Variants in C4orf50 observed in about 807,000 individuals in gnomAD.
The protein encoded by C4orf50 is uncharacterized protein C4orf50.
A neutral mutation model predicts 77.2 loss-of-function variants in C4orf50; 80 were observed. That is an observed-to-expected ratio of 1.04 (90% CI 0.87 to 1.25). The LOEUF is 1.25. C4orf50 is among the 50% of genes most tolerant of loss of function. C4orf50 has a pLI of 0.00. For synonymous variants in C4orf50, 532 were observed against 465.3 expected (o/e 1.14, Z -1.84); for missense variants, 1,257 against 1,152.9 (o/e 1.09, Z -1.31).
Position 6,009,099 on chromosome 4 carries a change from G to A in C4orf50, c.427-567C>T, listed in dbSNP as rs1722380248. On this transcript the variant is annotated intron_variant, in intron 24 of 33. Transcript: ENST00000531445. The surrounding 1 kb of genome is among the most constrained non-coding windows in gnomAD (Gnocchi z 5.6). ...TTACTAGCCTGAGAGACACTCAGGAGTGACTTGCATATCACGCAGCTAAAA... is the reference window on the plus strand; with the variant it reads ...TTACTAGCCTGAGAGACACTCAGGAATGACTTGCATATCACGCAGCTAAAA... Among the ~76,000 whole-genome samples the A allele has an allele frequency of 6.6e-6, 1 of 152,220 alleles. No homozygotes were observed. Among genetic ancestry groups the A allele is most frequent in the Non-Finnish European group, 1.5e-5 (1 of 68,038 alleles).
At chr4:5,995,757 A>G (rs1721549929) in intron 25 of C4orf50, among the ~76,000 whole-genome samples, 1 of 152,218 alleles carries the variant, frequency 6.6e-6, no homozygotes, top group Admixed American at 6.5e-5. Flanking sequence ...GTGGACAGAT[A>G]GAACCTGGGA....
chr4:5,927,538 G>C (rs577338433), intron 7 of C4orf50, among the ~76,000 whole-genome samples: 102 of 151,962 alleles, frequency 6.7e-4, no homozygotes, highest in Non-Finnish European at 1.4e-3. Flanking sequence ...TAGATCATGG[G>C]GGAGGTTCCC....
chr4:5,959,438 C>G (rs1719148423), exon 34 of C4orf50: 6 of 1,614,190 alleles, frequency 3.7e-6, no homozygotes, highest in Non-Finnish European at 5.1e-6. Flanking sequence ...TTTGTCTAAG[C>G]TCTTGGTGAA....
At position 6,000,742 on chromosome 4, in the gene C4orf50, C is replaced by T. The variant is rs1011833223; in HGVS notation, c.964-6266G>A. Reference sequence around the variant, plus strand: ...GCCAAGCACACGCACCAAGTGGGTACCATCAAATCCTGACTGTTGACCTGT... The same window carrying T: ...GCCAAGCACACGCACCAAGTGGGTATCATCAAATCCTGACTGTTGACCTGT... On this transcript the variant is annotated intron_variant, in intron 25 of 33. Transcript: ENST00000531445. This position sits in a 1 kb window ranked among gnomAD's most constrained non-coding sequence, Gnocchi z 6.0. Among the ~76,000 whole-genome samples the T allele has an allele frequency of 1.3e-5, 2 of 152,178 alleles. No homozygotes were observed. Among genetic ancestry groups the T allele is most frequent in the African/African-American group, 2.4e-5 (1 of 41,454 alleles).
intron 7 of C4orf50, among the ~76,000 whole-genome samples, chr4:5,935,734 C>T (rs964023729): frequency 1.4e-5 from 2 of 139,634 alleles, no homozygotes; most frequent in African/African-American, 2.8e-5. Flanking sequence ...TGCAGTGAGC[C>T]GAGATTGCGC....
In C4orf50 at chr4:6,017,964, T is replaced by C. The variant is rs1578006747; in HGVS notation, c.287+181A>G. On this transcript the variant is annotated intron_variant, in intron 23 of 33. Coordinates refer to ENST00000531445, the Ensembl canonical transcript of C4orf50. The surrounding 1 kb of genome is among the most constrained non-coding windows in gnomAD (Gnocchi z 4.7). ...GAGCCCGGGCAGCCTCATCTGCAGG[T>C]ACAGAGCAGAAGAAGGAGGGCGGGA... 6.6e-6 allele frequency among the ~76,000 whole-genome samples: 1 copy of C among 152,086 alleles called. No homozygotes were observed. Among genetic ancestry groups the C allele is most frequent in the African/African-American group, 2.4e-5 (1 of 41,424 alleles).
chr4:5,981,045 G>A (rs936640890), intron 28 of C4orf50, among the ~76,000 whole-genome samples: 1 of 152,150 alleles, frequency 6.6e-6, no homozygotes, highest in South Asian at 2.1e-4. Flanking sequence ...TGGTTTTGAA[G>A]TCTAAATTCT....
rs1722343476 is a variant in C4orf50 at position 6,008,422 on chromosome 4, G to A, written c.537C>T (p.Arg179=). 2 of 395,696 alleles carry A rather than the reference G, an allele frequency of 5.1e-6. No homozygotes were observed. Among genetic ancestry groups the A allele is most frequent in the African/African-American group, 2.1e-5 (1 of 48,426 alleles). The allele number at this position is 395,696 out of a possible 1,614,324, so 24.5% of individuals were successfully genotyped here. The change falls in exon 25 of 34, where the codon CGC becomes CGT. Residue 179 remains arginine, a synonymous_variant. Transcript: ENST00000531445. The surrounding 1 kb of genome is among the most constrained non-coding windows in gnomAD (Gnocchi z 6.0). ...GCTGGCGCCGCTGGGTCCGCCGGCA[G>A]CGCTCCAGGGCCGCCGCCTGCTGCC...
chr4:5,924,741 A>G (rs1717438651), intron 7 of C4orf50, among the ~76,000 whole-genome samples: 2 of 152,178 alleles, frequency 1.3e-5, no homozygotes, highest in Non-Finnish European at 2.9e-5. Context: ...GGAGAGGGGT[A>G]TCCACTTGCA....
At chr4:5,969,092 T>C (rs978934917) in intron 31 of C4orf50, among the ~76,000 whole-genome samples, 4 of 152,166 alleles carry the variant, frequency 2.6e-5, no homozygotes, top group Non-Finnish European at 5.9e-5. Context: ...CAATATGTTC[T>C]TTGTAGGGAT....
chr4:5,919,086 G>A lies in C4orf50; in HGVS notation c.*2475-20898C>T, dbSNP rs114209079. ...GCTATGGCTCCTGGTTGGGACAGAC[G>A]TGGCTCCCTCTTTCCCAGGTGGGAC... On this transcript the variant is annotated intron_variant, in intron 7 of 7. Coordinates refer to the C4orf50 transcript ENST00000324058. This position sits in a 1 kb window ranked among gnomAD's most constrained non-coding sequence, Gnocchi z 6.5. Among the ~76,000 whole-genome samples the A allele has an allele frequency of 0.029, 4,398 of 152,258 alleles. 208 individuals are homozygous for A. The highest frequency in any genetic ancestry group is 0.099 in the African/African-American group (4,099 of 41,556).
intron 7 of C4orf50, among the ~76,000 whole-genome samples, chr4:5,915,711 G>A (rs1717001066): frequency 6.6e-6 from 1 of 152,210 alleles, no homozygotes; most frequent in African/African-American, 2.4e-5. Context: ...ATGCACTTCA[G>A]TCTCCCTGAT....
chr4:5,953,875 G>T (rs1015222472), downstream of C4orf50, among the ~76,000 whole-genome samples: 2 of 152,248 alleles, frequency 1.3e-5, no homozygotes, highest in African/African-American at 4.8e-5. Context: ...GGCTTGGCCA[G>T]GACGGCTGAG....
intron 31 of C4orf50, among the ~76,000 whole-genome samples, chr4:5,971,263 A>G (rs1031385767): frequency 6.6e-6 from 1 of 152,158 alleles, no homozygotes; most frequent in Non-Finnish European, 1.5e-5. Context: ...TTGACTGCCC[A>G]TCAAGCAAGC....
intron 33 of C4orf50, among the ~76,000 whole-genome samples, chr4:5,959,865 G>C (rs1391499567): frequency 6.6e-6 from 1 of 152,192 alleles, no homozygotes; most frequent in African/African-American, 2.4e-5. Context: ...GCAGCGTGAG[G>C]CTCCCTCTCC....
chr4:5,902,374 C>A (rs1449074219), intron 7 of C4orf50: 2 of 152,204 alleles, frequency 1.3e-5, no homozygotes, highest in Non-Finnish European at 2.9e-5. Context: ...GGCTCACCTG[C>A]CCAGTGCCCT....
At chr4:5,934,640 C>T (rs1026482666) in intron 7 of C4orf50, among the ~76,000 whole-genome samples, 55 of 152,364 alleles carry the variant, frequency 3.6e-4, no homozygotes, top group African/African-American at 1.3e-3. Flanking sequence ...AGGCCCTGCA[C>T]ACTTGCCATA....
At position 5,965,063 on chromosome 4, in the gene C4orf50, C is replaced by T. The variant is rs773895285; in HGVS notation, c.4236G>A (p.Pro1412=). 18 of 1,613,612 alleles carry T rather than the reference C, an allele frequency of 1.1e-5. No individual in the cohort carries two copies. The Middle Eastern group carries it at 8.3e-4, about 74-fold the overall frequency. ...GTTGGGCTGTCTGTGCTGGCCACTC[C>T]GGCTCGGGAATAGGCCAGGACTCTG... The change falls in exon 33 of 34, where the codon CCG becomes CCA. Residue 1412 remains proline (P), a synonymous_variant. Transcript: ENST00000531445.
chr4:5,912,066 A>G (rs1201675403), intron 7 of C4orf50, among the ~76,000 whole-genome samples: 2 of 103,982 alleles, frequency 1.9e-5, no homozygotes, highest in Non-Finnish European at 3.8e-5. Context: ...AAAACAAAAA[A>G]CAAAAAAACC....
Sources: gnomAD v4.1 joint callset for allele counts (sites outside exome capture counted in the v4.1 genomes callset) on GRCh38, gnomAD v4.1.1 for gene constraint, Gnocchi (gnomAD v3.1) non-coding constraint, MANE v1.5 for transcripts, NCBI Gene and HGNC (gene_info 2026-07-23, HGNC 2026-07-21) for gene names.